Variants in TUBGCP3 observed in about 807,000 individuals in gnomAD.
TUBGCP3 encodes tubulin gamma complex component 3.
A neutral mutation model predicts 123.1 loss-of-function variants in TUBGCP3; 50 were observed. That is an observed-to-expected ratio of 0.41 (90% CI 0.32 to 0.51). TUBGCP3 has a LOEUF of 0.51. TUBGCP3 is among the 20% of genes least tolerant of loss of function. The pLI, the probability that TUBGCP3 is intolerant of heterozygous loss-of-function variation, is 0.36. For missense variants in TUBGCP3, 882 were observed against 1,127.0 expected (o/e 0.78, Z 3.11); for synonymous variants, 405 against 413.9 (o/e 0.98, Z 0.26).
chr13:112,544,207 A>G (rs917939878), intron 11 of TUBGCP3, among the ~76,000 whole-genome samples: 15 of 152,034 alleles, frequency 9.9e-5, no homozygotes, highest in African/African-American at 3.6e-4. Context: ...TAATCCCAGC[A>G]CTTTGGGAGG....
intron 11 of TUBGCP3, 145 bp from the exon 12 acceptor site, chr13:112,527,629 A>T: frequency 1.7e-6 from 1 of 603,948 alleles, no homozygotes; most frequent in Non-Finnish European, 2.9e-6. Flanking sequence ...TAAAACTTGT[A>T]TGAAACACAG....
intron 12 of TUBGCP3, 99 bp from the exon 13 acceptor site, chr13:112,527,149 A>C: frequency 9.4e-7 from 1 of 1,062,030 alleles, no homozygotes; most frequent in Non-Finnish European, 1.4e-6. Context: ...ATTGATTGAA[A>C]ACTAACAAGA....
the TUBGCP3 span, among the ~76,000 whole-genome samples, chr13:112,601,671 TC>T: frequency 0.015 from 2,209 of 152,288 alleles, 52 homozygotes; most frequent in African/African-American, 0.049. Flanking sequence ...GTCCGACTCA[TC>T]CCCAGCCATG....
chr13:112,590,354 A>G (rs1011522137), upstream of TUBGCP3, among the ~76,000 whole-genome samples: 1 of 152,168 alleles, frequency 6.6e-6, no homozygotes, highest in Non-Finnish European at 1.5e-5. Flanking sequence ...GAGGAGAACA[A>G]TGTTGTCGGA....
At chr13:112,523,788 T>A (rs1040744844) in intron 13 of TUBGCP3, among the ~76,000 whole-genome samples, 12 of 152,240 alleles carry the variant, frequency 7.9e-5, no homozygotes, top group Admixed American at 7.2e-4. Context: ...TCTCTCGTGC[T>A]CAGTTTTTAA....
Position 112,490,534 on chromosome 13 carries a change from C to T in TUBGCP3, c.2449-837G>A, listed in dbSNP as rs988036593. 3.9e-5 allele frequency among the ~76,000 whole-genome samples: 6 copies of T among 152,320 alleles called. No individual in the cohort carries two copies. The East Asian group carries it at 7.7e-4, about 20-fold the overall frequency. On this transcript the variant is annotated intron_variant, in intron 20 of 21. Transcript: ENST00000261965. Reference sequence around the variant, plus strand: ...CCTCCCAAAGTGCTGGGATTACAGGCGGGAGCCACCGCTCCTGGCCATGAT... The same window carrying T: ...CCTCCCAAAGTGCTGGGATTACAGGTGGGAGCCACCGCTCCTGGCCATGAT...
chr13:112,557,603 T>C (rs1487821019), intron 5 of TUBGCP3, among the ~76,000 whole-genome samples: 2 of 152,206 alleles, frequency 1.3e-5, no homozygotes, highest in Non-Finnish European at 2.9e-5. Flanking sequence ...AAAACAAAGT[T>C]CCATCCATGA....
At position 112,547,298 on chromosome 13, in the gene TUBGCP3, T is replaced by G; in HGVS notation, c.1168+322A>C. 5 of 401,196 alleles carry G rather than the reference T, an allele frequency of 1.2e-5. No individual in the cohort carries two copies. In the East Asian group the frequency reaches 1.8e-4, roughly 14 times the overall value. The allele number at this position is 401,196 out of a possible 1,614,324, so 24.9% of individuals were successfully genotyped here. On this transcript the variant is annotated intron_variant, in intron 10 of 21. Coordinates refer to ENST00000261965, the MANE Select transcript of TUBGCP3 (RefSeq NM_006322.6). Reference sequence around the variant, plus strand: ...CTTTAAACACGAGACACCCTCCTCTTTCCCACCTCCATCTCAATGCCAGCC... The same window carrying G: ...CTTTAAACACGAGACACCCTCCTCTGTCCCACCTCCATCTCAATGCCAGCC...
chr13:112,603,148 A>C, the TUBGCP3 span: 1 of 152,224 alleles, frequency 6.6e-6, no homozygotes, highest in Non-Finnish European at 1.5e-5. Flanking sequence ...GTGGATTCTT[A>C]CTGAAAGAAC....
At chr13:112,603,275 C>T in the TUBGCP3 span, 1 of 152,184 alleles carries the variant, frequency 6.6e-6, no homozygotes, top group African/African-American at 2.4e-5. Flanking sequence ...TTGCAGTTTC[C>T]CAGCCTATCT....
At chr13:112,593,395 G>A in the TUBGCP3 span, among the ~76,000 whole-genome samples, 1 of 152,154 alleles carries the variant, frequency 6.6e-6, no homozygotes, top group Non-Finnish European at 1.5e-5. Context: ...TCCAGCCTGG[G>A]GGACAGAGAG....
intron 19 of TUBGCP3, 52 bp downstream of exon 19, chr13:112,503,979 GA>G: frequency 6.4e-7 from 1 of 1,553,896 alleles, no homozygotes; most frequent in South Asian, 1.2e-5. Flanking sequence ...AGGAACCCAA[GA>G]AAAGAAGATG....
chr13:112,584,862 G>C (rs927642861), intron 1 of TUBGCP3, among the ~76,000 whole-genome samples: 1 of 152,184 alleles, frequency 6.6e-6, no homozygotes, highest in Admixed American at 6.5e-5. Flanking sequence ...AAATAAATGT[G>C]CTCCCAGGAG....
At chr13:112,502,430 G>A (rs1880975418) in intron 19 of TUBGCP3, among the ~76,000 whole-genome samples, 2 of 152,276 alleles carry the variant, frequency 1.3e-5, no homozygotes, top group South Asian at 4.1e-4. Flanking sequence ...TGAATACAGA[G>A]AGGCAACGGC....
upstream of TUBGCP3, among the ~76,000 whole-genome samples, chr13:112,591,100 G>A (rs994024320): frequency 2.6e-5 from 4 of 152,188 alleles, no homozygotes; most frequent in Admixed American, 2.0e-4. Flanking sequence ...CTTCAGCCAG[G>A]AGACTTTGTA....
chr13:112,564,169 G>A (rs1163567764), intron 3 of TUBGCP3, among the ~76,000 whole-genome samples: 4 of 152,162 alleles, frequency 2.6e-5, no homozygotes, highest in South Asian at 2.1e-4. Context: ...AGATAATATC[G>A]CAAATATTAT....
At chr13:112,562,243 G>A (rs1185739533) in intron 3 of TUBGCP3, among the ~76,000 whole-genome samples, 1 of 151,596 alleles carries the variant, frequency 6.6e-6, no homozygotes, top group African/African-American at 2.4e-5. Flanking sequence ...GGGCCTACTA[G>A]GGAATACCAC....
At chr13:112,539,382 T>A (rs960748196) in intron 11 of TUBGCP3, among the ~76,000 whole-genome samples, 3 of 152,120 alleles carry the variant, frequency 2.0e-5, no homozygotes, top group African/African-American at 7.2e-5. Flanking sequence ...TGAGTTACAA[T>A]GAGATAAACC....
chr13:112,591,831 T>C (rs1882888402), upstream of TUBGCP3, among the ~76,000 whole-genome samples: 1 of 152,216 alleles, frequency 6.6e-6, no homozygotes. Flanking sequence ...ATTAGACCAC[T>C]CAATATCGGG....
Sources: allele counts gnomAD v4.1 joint callset (sites outside exome capture counted in the v4.1 genomes callset), GRCh38; gene constraint gnomAD v4.1.1; transcripts MANE v1.5; gene names NCBI Gene and HGNC (gene_info 2026-07-23, HGNC 2026-07-21).